The following MCU variants were observed in gnomAD, a reference collection of about 807,000 sequenced individuals.
MCU encodes the protein calcium uniporter protein, mitochondrial.
MCU carries 12 observed loss-of-function variants against 45.2 expected under a neutral mutation model. The ratio of observed to expected loss-of-function variants is 0.27; its 90% CI spans 0.17 to 0.43. The LOEUF (loss-of-function observed/expected upper bound fraction) is 0.43, where lower values mean the gene tolerates loss of function less well. MCU is among the 20% of genes least tolerant of loss of function. MCU has a pLI of 1.00. For synonymous variants in MCU, 160 were observed against 165.1 expected (o/e 0.97, Z 0.24); for missense variants, 324 against 436.7 (o/e 0.74, Z 2.30).
chr10:72,692,235 G>A lies in MCU; in HGVS notation c.84G>A (p.Ala28=), dbSNP rs1842631901. Residue 28 remains alanine, a synonymous_variant, in exon 1 of 8, where the codon GCG becomes GCA. Coordinates refer to ENST00000373053, the MANE Select transcript of MCU (RefSeq NM_138357.3). ...GGGGGAGGCG[A]LTAGCFPGLG... Reference sequence around the variant, plus strand: ...GCGGGGGCGCCGGCGGCTGCGGGGCGCTGACTGCCGGCTGCTTCCCTGGGC... The same window carrying A: ...GCGGGGGCGCCGGCGGCTGCGGGGCACTGACTGCCGGCTGCTTCCCTGGGC... The A allele has an allele frequency of 1.6e-6, 2 of 1,241,164 alleles. No individual in the cohort carries two copies. The highest frequency in any genetic ancestry group is 4.2e-5 in the Admixed American group (1 of 23,694). 76.9% of individuals were successfully genotyped at this position (1,241,164 alleles called of 1,614,324 possible).
chr10:72,805,955 T>C (rs1338268316), intron 1 of MCU, among the ~76,000 whole-genome samples: 1 of 152,112 alleles, frequency 6.6e-6, no homozygotes, highest in Non-Finnish European at 1.5e-5. Context: ...TCTGCAGAAA[T>C]GAGTAGGCAT....
intron 1 of MCU, among the ~76,000 whole-genome samples, chr10:72,805,311 T>C (rs1388817721): frequency 6.6e-6 from 1 of 150,716 alleles, no homozygotes; most frequent in Non-Finnish European, 1.5e-5. Context: ...TGTAGCAGTG[T>C]GGTCTTGGCT....
At chr10:72,781,595 T>C (rs537488276) in intron 1 of MCU, among the ~76,000 whole-genome samples, 1 of 152,198 alleles carries the variant, frequency 6.6e-6, no homozygotes. Flanking sequence ...TAGATGGTCA[T>C]GTGCATCTGC....
rs539272176 is a variant in MCU, at chr10:72,746,408, G to A, written c.150+54107G>A. 3.9e-5 allele frequency among the ~76,000 whole-genome samples: 6 copies of A among 152,294 alleles called. No individual in the cohort carries two copies. The South Asian group carries it at 1.2e-3, about 32-fold the overall frequency. On this transcript the variant is annotated intron_variant, in intron 1 of 7. Transcript: ENST00000373053. ...TTTCGTACAGGCGTTTTAACTTTAAGTAGAGGCATAAATGTTATCTGTGTC... is the reference window on the plus strand; with the variant it reads ...TTTCGTACAGGCGTTTTAACTTTAAATAGAGGCATAAATGTTATCTGTGTC...
intron 1 of MCU, among the ~76,000 whole-genome samples, chr10:72,806,018 G>A (rs1408346150): frequency 6.6e-6 from 1 of 152,122 alleles, no homozygotes; most frequent in Admixed American, 6.6e-5. Context: ...GAAGAATGGG[G>A]AAAGGCCTGG....
chr10:72,759,656 C>T (rs912075673), intron 1 of MCU, among the ~76,000 whole-genome samples: 5 of 152,200 alleles, frequency 3.3e-5, no homozygotes, highest in Admixed American at 2.0e-4. Flanking sequence ...TTCTTCCCCC[C>T]AAATTGATAC....
At chr10:72,777,194 GA>G (rs1358543833) in intron 1 of MCU, among the ~76,000 whole-genome samples, 1 of 152,042 alleles carries the variant, frequency 6.6e-6, no homozygotes, top group African/African-American at 2.4e-5. Context: ...CAGAAATAGG[GA>G]AAAAAATTCT....
chr10:72,817,370 C>T (rs1844643540), intron 1 of MCU, among the ~76,000 whole-genome samples: 1 of 152,042 alleles, frequency 6.6e-6, no homozygotes, highest in South Asian at 2.1e-4. Context: ...TTTTATTGAC[C>T]TTACCTCCTT....
At chr10:72,730,371 A>G (rs1418914889) in intron 1 of MCU, among the ~76,000 whole-genome samples, 1 of 138,152 alleles carries the variant, frequency 7.2e-6, no homozygotes, top group African/African-American at 2.7e-5. Context: ...TGCAGAACCA[A>G]TCCGCCTCCT....
intron 4 of MCU, among the ~76,000 whole-genome samples, chr10:72,866,780 A>G (rs1489574716): frequency 6.6e-6 from 1 of 151,940 alleles, no homozygotes; most frequent in African/African-American, 2.4e-5. Flanking sequence ...TGCAGGAGAG[A>G]TTTAATATTG....
chr10:72,859,457 A>C, intron 3 of MCU, 110 bp downstream of exon 3: 2 of 989,050 alleles, frequency 2.0e-6, no homozygotes, highest in Non-Finnish European at 2.9e-6. Flanking sequence ...CTATACTGTT[A>C]ACTTCAGAAA....
intron 6 of MCU, among the ~76,000 whole-genome samples, chr10:72,882,007 G>A (rs1407716802): frequency 2.6e-5 from 4 of 152,214 alleles, no homozygotes; most frequent in Admixed American, 1.3e-4. Flanking sequence ...GCAGAAGAAC[G>A]TGGATTGTGA....
chr10:72,780,290 G>A (rs151149084), intron 1 of MCU, among the ~76,000 whole-genome samples: 532 of 152,232 alleles, frequency 3.5e-3, no homozygotes, highest in Non-Finnish European at 6.2e-3. Flanking sequence ...CTACTAGTGG[G>A]TATGAGGTTT....
intron 1 of MCU, among the ~76,000 whole-genome samples, chr10:72,723,678 T>C (rs937865054): frequency 6.6e-6 from 1 of 152,228 alleles, no homozygotes; most frequent in Non-Finnish European, 1.5e-5. Context: ...CATACACATT[T>C]AATGGCAGCA....
At chr10:72,752,139 G>A (rs978134448) in intron 1 of MCU, among the ~76,000 whole-genome samples, 6 of 151,656 alleles carry the variant, frequency 4.0e-5, no homozygotes, top group Admixed American at 2.0e-4. Flanking sequence ...ATGCCCGGCC[G>A]CACATTTATA....
At chr10:72,755,839 A>AC (rs1452675026) in intron 1 of MCU, among the ~76,000 whole-genome samples, 1 of 134,536 alleles carries the variant, frequency 7.4e-6, no homozygotes, top group Non-Finnish European at 1.6e-5. Flanking sequence ...AATTGAAACC[A>AC]TTTTTTTTTT....
chr10:72,798,536 C>T (rs772875636), intron 1 of MCU, among the ~76,000 whole-genome samples: 9 of 152,098 alleles, frequency 5.9e-5, no homozygotes, highest in South Asian at 2.1e-4. Context: ...GTGATCCATC[C>T]GCCTCAGCCT....
chr10:72,822,243 G>A (rs529112989), intron 1 of MCU, among the ~76,000 whole-genome samples: 1 of 152,300 alleles, frequency 6.6e-6, no homozygotes, highest in African/African-American at 2.4e-5. Flanking sequence ...CTGCACTCCA[G>A]CATGGGCAAC....
intron 1 of MCU, among the ~76,000 whole-genome samples, chr10:72,765,807 A>AT (rs1247907578): frequency 6.6e-6 from 1 of 150,910 alleles, no homozygotes; most frequent in East Asian, 1.9e-4. Context: ...AAAAAAAAAA[A>AT]AGAAAGAAAC....
Sources: allele counts gnomAD v4.1 joint callset (sites outside exome capture counted in the v4.1 genomes callset), GRCh38; gene constraint gnomAD v4.1.1; transcripts MANE v1.5; gene names NCBI Gene and HGNC (gene_info 2026-07-23, HGNC 2026-07-21).